LIMS4: variants seen among roughly 807,000 people sequenced by gnomAD.
LIMS4 encodes LIM and senescent cell antigen-like-containing domain protein 4.
At chr2:110,390,129 A>C in the LIMS4 span, among the ~76,000 whole-genome samples, 1 of 127,218 alleles carries the variant, frequency 7.9e-6, no homozygotes, top group Non-Finnish European at 1.6e-5. Flanking sequence ...AGGCTCAGAA[A>C]GCCTCCGTTG....
the LIMS4 span, chr2:110,375,382 C>A: frequency 3.6e-5 from 1 of 27,478 alleles, no homozygotes; most frequent in Admixed American, 4.9e-4. Context: ...CCCCATCTCA[C>A]CACAGATCCA....
chr2:110,411,473 T>C, the LIMS4 span, among the ~76,000 whole-genome samples: 2 of 137,342 alleles, frequency 1.5e-5, no homozygotes, highest in Non-Finnish European at 3.0e-5. Context: ...TTAAAAAAAT[T>C]GCTGGCAAAG....
chr2:110,361,025 G>C, the LIMS4 span: 1 of 1,540,228 alleles, frequency 6.5e-7, no homozygotes, highest in Non-Finnish European at 8.9e-7. Flanking sequence ...CTTTGGTTGA[G>C]TGATTGCTCC....
At chr2:110,385,257 C>T in the LIMS4 span, among the ~76,000 whole-genome samples, 1 of 150,988 alleles carries the variant, frequency 6.6e-6, no homozygotes, top group African/African-American at 2.5e-5. Flanking sequence ...TCATAGTCCC[C>T]TTATGTTAGG....
At chr2:110,373,757 C>T in the LIMS4 span, among the ~76,000 whole-genome samples, 8 of 149,592 alleles carry the variant, frequency 5.3e-5, no homozygotes, top group Non-Finnish European at 1.2e-4. Flanking sequence ...CTGGTTCAGG[C>T]CCCGACTGGC....
chr2:110,366,992 G>A, the LIMS4 span, among the ~76,000 whole-genome samples: 1 of 148,562 alleles, frequency 6.7e-6, no homozygotes, highest in Non-Finnish European at 1.5e-5. Flanking sequence ...CAAATACCAA[G>A]GAATAAAGGG....
chr2:110,361,152 G>C, the LIMS4 span: 3 of 936,508 alleles, frequency 3.2e-6, no homozygotes, highest in Non-Finnish European at 5.1e-6. Flanking sequence ...ATTTCTTTCA[G>C]GTCAGGGTCC....
chr2:110,371,939 G>T, the LIMS4 span, among the ~76,000 whole-genome samples: 17 of 151,938 alleles, frequency 1.1e-4, no homozygotes, highest in African/African-American at 3.9e-4. Flanking sequence ...CAGAGGCAGA[G>T]TGTTGAACCC....
chr2:110,382,891 G>T, the LIMS4 span: 1 of 154,608 alleles, frequency 6.5e-6, no homozygotes, highest in South Asian at 2.1e-4. Context: ...AGTTTCTTCT[G>T]GAGTGATGAA....
At chr2:110,369,093 A>G in the LIMS4 span, among the ~76,000 whole-genome samples, 2 of 94,158 alleles carry the variant, frequency 2.1e-5, no homozygotes, top group Non-Finnish European at 4.1e-5. Context: ...TGAGCTATGC[A>G]TTTGTTTAAG....
chr2:110,368,447 T>C, the LIMS4 span, among the ~76,000 whole-genome samples: 1 of 149,698 alleles, frequency 6.7e-6, no homozygotes, highest in African/African-American at 2.4e-5. Flanking sequence ...TTAATATATA[T>C]AGAAATACAT....
downstream of LIMS4, among the ~76,000 whole-genome samples, chr2:110,442,730 G>A (rs377635395): frequency 4.5e-4 from 67 of 149,344 alleles, no homozygotes; most frequent in African/African-American, 1.3e-3. Context: ...ATGGAGTCTC[G>A]CTCTGTCACC....
chr2:110,407,674 T>C, the LIMS4 span, among the ~76,000 whole-genome samples: 1 of 134,884 alleles, frequency 7.4e-6, no homozygotes, highest in Non-Finnish European at 1.6e-5. Context: ...ATCCCAGGCC[T>C]TGGTGGGAGG....
At chr2:110,386,721 G>A in the LIMS4 span, 4 of 842,790 alleles carry the variant, frequency 4.7e-6, no homozygotes, top group South Asian at 5.8e-5. Flanking sequence ...TGGCTGCTGG[G>A]CTTGTCAACA....
chr2:110,397,413 T>A, the LIMS4 span: 1 of 147,180 alleles, frequency 6.8e-6, no homozygotes, highest in Non-Finnish European at 1.5e-5. Flanking sequence ...AAATGCTTCC[T>A]ATAATTGCTG....
At chr2:110,367,810 G>T in the LIMS4 span, among the ~76,000 whole-genome samples, 1 of 140,006 alleles carries the variant, frequency 7.1e-6, no homozygotes, top group Non-Finnish European at 1.5e-5. Flanking sequence ...TTGAGCCTGG[G>T]AGGTGGAGAT....
the LIMS4 span, among the ~76,000 whole-genome samples, chr2:110,422,879 CTG>C: frequency 8.1e-6 from 1 of 122,818 alleles, no homozygotes; most frequent in African/African-American, 4.4e-5. Context: ...GCTGTCATGA[CTG>C]TGCCAGGCAC....
At chr2:110,371,944 G>A in the LIMS4 span, among the ~76,000 whole-genome samples, 13 of 151,986 alleles carry the variant, frequency 8.6e-5, no homozygotes, top group Non-Finnish European at 1.6e-4. Flanking sequence ...GCAGAGTGTT[G>A]AACCCTGCCT....
the LIMS4 span, among the ~76,000 whole-genome samples, chr2:110,390,705 A>C: frequency 6.7e-6 from 1 of 149,868 alleles, no homozygotes; most frequent in Non-Finnish European, 1.5e-5. Flanking sequence ...TGTGGGAGTG[A>C]GGGGCTCCAG....
Sources: allele counts gnomAD v4.1 joint callset (sites outside exome capture counted in the v4.1 genomes callset), GRCh38; gene constraint gnomAD v4.1.1; transcripts MANE v1.5; gene names NCBI Gene and HGNC (gene_info 2026-07-23, HGNC 2026-07-21).